The following SMC5 variants were observed in gnomAD, a reference collection of about 807,000 sequenced individuals.
The protein encoded by SMC5 is structural maintenance of chromosomes protein 5.
A neutral mutation model predicts 148.3 loss-of-function variants in SMC5; 88 were observed. The observed-to-expected ratio is 0.59, with a 90% CI of 0.50 to 0.71. The LOEUF is 0.71. Ranked by LOEUF, SMC5 falls within the 30% of genes least tolerant of loss-of-function variation. The pLI is 0.00. For missense variants in SMC5, 1,142 were observed against 1,298.9 expected (o/e 0.88, Z 1.86); for synonymous variants, 421 against 432.8 (o/e 0.97, Z 0.34).
At chr9:70,290,006 A>G (rs979062398) in intron 8 of SMC5, among the ~76,000 whole-genome samples, 1 of 152,132 alleles carries the variant, frequency 6.6e-6, no homozygotes, top group African/African-American at 2.4e-5. Flanking sequence ...AAGGAAATGC[A>G]CTTTAGAGCA....
In SMC5 at chr9:70,300,097, A is replaced by G. The variant is rs1490740448; in HGVS notation, c.1361A>G (p.Asp454Gly). The G allele has an allele frequency of 2.5e-6, 4 of 1,600,284 alleles. No individual in the cohort carries two copies. The highest frequency in any genetic ancestry group is 1.7e-4 in the Middle Eastern group (1 of 6,026). ...GACAATCTTATGAATCAGAAGGAAG[A>G]TAAGCTAAGACAGAGATTCCGTGAC... is the stretch of plus-strand genomic sequence containing the variant. ...RFDNLMNQKE[D>G]KLRQRFRDTY... Residue 454 changes from aspartate (D) to glycine (G), a missense_variant, in exon 10 of 25, where the codon GAT becomes GGT. By Grantham distance (94) the Asp-to-Gly change is moderately conservative. This residue lies in a region of SMC5 where 743 missense variants were observed against 835.7 expected (regional missense o/e 0.89). Transcript: ENST00000361138.
intron 2 of SMC5, 107 bp downstream of exon 2, chr9:70,264,552 A>G: frequency 9.5e-7 from 1 of 1,053,174 alleles, no homozygotes; most frequent in Non-Finnish European, 1.3e-6. Flanking sequence ...TTAATAGTGC[A>G]TGAATACAAG....
intron 17 of SMC5, among the ~76,000 whole-genome samples, chr9:70,327,936 A>C (rs908328886): frequency 6.6e-6 from 1 of 152,160 alleles, no homozygotes; most frequent in African/African-American, 2.4e-5. Context: ...ATTATGGTGT[A>C]AGGTGAAGGG....
chr9:70,332,523 C>CAAAAA (rs57524323), intron 17 of SMC5, among the ~76,000 whole-genome samples: 3 of 104,212 alleles, frequency 2.9e-5, no homozygotes, highest in South Asian at 3.2e-4. Context: ...GACCCTGTCT[C>CAAAAA]AAAAAAAAAA....
chr9:70,268,211 C>G (rs1305539613), intron 3 of SMC5, among the ~76,000 whole-genome samples: 1 of 152,008 alleles, frequency 6.6e-6, no homozygotes, highest in Non-Finnish European at 1.5e-5. Context: ...TTGGGGAGGC[C>G]GAGGTGGGCA....
chr9:70,305,420 T>G (rs1367393794), intron 11 of SMC5, 60 bp downstream of exon 11: 4 of 1,019,392 alleles, frequency 3.9e-6, no homozygotes, highest in Non-Finnish European at 6.0e-6. Flanking sequence ...GCACTTGAAG[T>G]TTTAAATTCA....
intron 3 of SMC5, among the ~76,000 whole-genome samples, chr9:70,273,428 CTT>C (rs2034504177): frequency 6.6e-6 from 1 of 151,758 alleles, no homozygotes; most frequent in African/African-American, 2.4e-5. Flanking sequence ...TAAAGATTGA[CTT>C]GTCAATTTTA....
intron 15 of SMC5, among the ~76,000 whole-genome samples, 197 bp downstream of exon 15, chr9:70,319,160 G>C (rs1457975271): frequency 6.6e-6 from 1 of 152,172 alleles, no homozygotes; most frequent in Admixed American, 6.5e-5. Context: ...AAGTTCTTCT[G>C]TTCTTCCAGT....
At chr9:70,315,840 G>A (rs979476320) in intron 13 of SMC5, among the ~76,000 whole-genome samples, 1 of 152,044 alleles carries the variant, frequency 6.6e-6, no homozygotes, top group Admixed American at 6.6e-5. Flanking sequence ...GTTAAAACCT[G>A]AAAAGAGATA....
At chr9:70,266,939 G>A (rs1241534480) in intron 2 of SMC5, among the ~76,000 whole-genome samples, 1 of 151,918 alleles carries the variant, frequency 6.6e-6, no homozygotes, top group African/African-American at 2.4e-5. Context: ...TTAACAACTT[G>A]TATGTGGTGG....
rs1335016665 is a variant in SMC5, at chr9:70,280,636, C to G, written c.679-123C>G. 5.4e-5 allele frequency: 47 copies of G among 864,568 alleles called. No individual in the cohort carries two copies. The Admixed American group carries it at 1.3e-3, about 24-fold the overall frequency. 53.6% of individuals were successfully genotyped at this position (864,568 alleles called of 1,614,324 possible). ...TGCCTAGGCTGGAGTCTACATAGTTCTTAAGAACTCCTGTGAATTCTTTAT... is the reference window on the plus strand; with the variant it reads ...TGCCTAGGCTGGAGTCTACATAGTTGTTAAGAACTCCTGTGAATTCTTTAT... On this transcript the variant is annotated intron_variant, in intron 5 of 24. Coordinates refer to ENST00000361138, the MANE Select transcript of SMC5 (RefSeq NM_015110.4).
intron 3 of SMC5, among the ~76,000 whole-genome samples, chr9:70,269,258 A>C (rs2034378641): frequency 6.6e-6 from 1 of 152,190 alleles, no homozygotes; most frequent in Non-Finnish European, 1.5e-5. Context: ...GGTGCGTGAT[A>C]CGTTCCTAGA....
intron 17 of SMC5, 21 bp downstream of exon 17, chr9:70,324,164 T>A: frequency 6.3e-7 from 1 of 1,579,708 alleles, no homozygotes; most frequent in Admixed American, 2.1e-5. Flanking sequence ...TGCCTTTACT[T>A]TTTATTTTGA....
Position 70,327,944 on chromosome 9 carries a change from G to A in SMC5, c.2397+3801G>A, listed in dbSNP as rs527980166. 3.9e-5 allele frequency among the ~76,000 whole-genome samples: 6 copies of A among 152,268 alleles called. No homozygotes were observed. The South Asian group carries it at 1.2e-3, about 32-fold the overall frequency. ...CTTAACAATTATGGTGTAAGGTGAAGGGGAAGCAAGCATGTCTTACCATGG... is the reference window on the plus strand; with the variant it reads ...CTTAACAATTATGGTGTAAGGTGAAAGGGAAGCAAGCATGTCTTACCATGG... On this transcript the variant is annotated intron_variant, in intron 17 of 24. Transcript: ENST00000361138.
At chr9:70,349,009 A>G (rs895680904) in intron 22 of SMC5, among the ~76,000 whole-genome samples, 3 of 152,232 alleles carry the variant, frequency 2.0e-5, no homozygotes, top group African/African-American at 7.2e-5. Context: ...GCTCAGTACT[A>G]TCTTAGACCT....
At chr9:70,305,450 C>T (rs1212385101) in intron 11 of SMC5, 90 bp downstream of exon 11, 2 of 742,944 alleles carry the variant, frequency 2.7e-6, no homozygotes, top group Admixed American at 2.5e-5. Context: ...AATGTGATAG[C>T]TAATTTTACC....
chr9:70,307,592 T>TC (rs2118494931), intron 11 of SMC5, among the ~76,000 whole-genome samples: 1 of 152,242 alleles, frequency 6.6e-6, no homozygotes, highest in South Asian at 2.1e-4. Context: ...AACCTCCGCT[T>TC]CCCAGGTTCA....
intron 11 of SMC5, among the ~76,000 whole-genome samples, chr9:70,306,396 T>A (rs895481721): frequency 1.3e-5 from 2 of 152,098 alleles, no homozygotes; most frequent in Non-Finnish European, 1.5e-5. Flanking sequence ...GGTTTGGGAG[T>A]TGGCAAGGTA....
intron 13 of SMC5, among the ~76,000 whole-genome samples, chr9:70,317,923 ACCCAAGATAACAGTTCAAT>A (rs2035845271): frequency 1.3e-5 from 2 of 152,296 alleles, no homozygotes; most frequent in Admixed American, 6.5e-5. Context: ...TAAATGACTT[ACCCAAGATAACAGTTCAAT>A]GTGCTGAGCA....
Sources: allele counts gnomAD v4.1 joint callset (sites outside exome capture counted in the v4.1 genomes callset), GRCh38; gene constraint gnomAD v4.1.1; regional missense constraint gnomAD v4.1.1; transcripts MANE v1.5; gene names NCBI Gene and HGNC (gene_info 2026-07-23, HGNC 2026-07-21).